RUBCN: variants seen among roughly 807,000 people sequenced by gnomAD.
The protein encoded by RUBCN is run domain Beclin-1-interacting and cysteine-rich domain-containing protein.
A neutral mutation model predicts 113.2 loss-of-function variants in RUBCN; 74 were observed. The ratio of observed to expected loss-of-function variants is 0.65; its 90% CI spans 0.54 to 0.79. The LOEUF (loss-of-function observed/expected upper bound fraction) is 0.79. RUBCN is among the 30% of genes least tolerant of loss of function. The probability of loss-of-function intolerance (pLI) is 0.00; values close to 1 mark genes in which losing one functional copy is unlikely to be tolerated. For synonymous variants in RUBCN, 480 were observed against 490.0 expected, an observed-to-expected ratio of 0.98 and a Z score of 0.27; for missense variants, 1,109 against 1,251.7, an observed-to-expected ratio of 0.89 and a Z score of 1.72.
intron 11 of RUBCN, among the ~76,000 whole-genome samples, chr3:197,684,527 C>G (rs1487160569): frequency 2.0e-5 from 3 of 152,100 alleles, no homozygotes; most frequent in Admixed American, 1.3e-4. Context: ...CTAAGGCACA[C>G]AGGGACACAA....
At chr3:197,729,131 G>A (rs1727104192) in intron 1 of RUBCN, among the ~76,000 whole-genome samples, 1 of 147,264 alleles carries the variant, frequency 6.8e-6, no homozygotes, top group Non-Finnish European at 1.5e-5. Flanking sequence ...GGGCAACAGA[G>A]CGAGACTCCG....
upstream of RUBCN, among the ~76,000 whole-genome samples, chr3:197,741,232 T>A (rs1223665350): frequency 6.6e-6 from 1 of 152,226 alleles, no homozygotes; most frequent in Admixed American, 6.5e-5. Context: ...AAATTTTTAA[T>A]CTTGTAATGA....
At chr3:197,676,806 C>T in intron 18 of RUBCN, 79 bp downstream of exon 18, 1 of 1,607,982 alleles carries the variant, frequency 6.2e-7, no homozygotes, top group Non-Finnish European at 8.5e-7. Context: ...AGCTAAGTGG[C>T]AAGAACCCCA....
intron 2 of RUBCN, among the ~76,000 whole-genome samples, chr3:197,707,122 TC>T (rs1376084114): frequency 1.5e-4 from 22 of 151,632 alleles, no homozygotes; most frequent in African/African-American, 5.4e-4. Flanking sequence ...GGCAGGCAGA[TC>T]ACGAGGTCAG....
chr3:197,742,481 A>G (rs1270337220), intron 1 of RUBCN, among the ~76,000 whole-genome samples: 1 of 152,052 alleles, frequency 6.6e-6, no homozygotes, highest in Non-Finnish European at 1.5e-5. Flanking sequence ...TGACAAAGTG[A>G]GACTGTCTCA....
intron 1 of RUBCN, among the ~76,000 whole-genome samples, chr3:197,724,066 C>T (rs1580354859): frequency 1.3e-5 from 2 of 152,152 alleles, no homozygotes; most frequent in East Asian, 3.8e-4. Context: ...CCCATCCCTA[C>T]ATAAATCATT....
At chr3:197,732,607 C>G (rs571150832) in intron 1 of RUBCN, among the ~76,000 whole-genome samples, 2 of 152,330 alleles carry the variant, frequency 1.3e-5, no homozygotes, top group East Asian at 3.9e-4. Flanking sequence ...GCCACCGTGC[C>G]CAGTGTAGTG....
intron 1 of RUBCN, among the ~76,000 whole-genome samples, chr3:197,729,935 G>C (rs756522941): frequency 1.8e-4 from 28 of 151,404 alleles, no homozygotes; most frequent in Non-Finnish European, 4.0e-4. Context: ...GGGTGAGCTG[G>C]GATGACAGGC....
chr3:197,682,381 G>A, intron 14 of RUBCN, 89 bp downstream of exon 14: 1 of 1,478,828 alleles, frequency 6.8e-7, no homozygotes, highest in Middle Eastern at 1.7e-4. Context: ...AGGACAGCTG[G>A]AGGCAGGGAC....
intron 2 of RUBCN, among the ~76,000 whole-genome samples, chr3:197,715,072 C>G (rs1159888992): frequency 6.6e-6 from 1 of 151,952 alleles, no homozygotes; most frequent in East Asian, 1.9e-4. Context: ...GGCGGATCAT[C>G]TGAGGTCAGG....
intron 1 of RUBCN, among the ~76,000 whole-genome samples, chr3:197,726,240 T>TTTTTTA (rs1177199223): frequency 2.0e-5 from 3 of 152,132 alleles, no homozygotes; most frequent in Non-Finnish European, 2.9e-5. Context: ...TTTTATTTTA[T>TTTTTTA]TTTTTATTTT....
chr3:197,746,448 G>A (rs1311160219), intron 1 of RUBCN, among the ~76,000 whole-genome samples: 1 of 152,146 alleles, frequency 6.6e-6, no homozygotes, highest in East Asian at 1.9e-4. Context: ...ACTACATGCT[G>A]CTTGACTCAT....
intron 2 of RUBCN, among the ~76,000 whole-genome samples, chr3:197,717,145 G>A (rs920026638): frequency 2.1e-4 from 31 of 145,212 alleles, no homozygotes; most frequent in African/African-American, 8.1e-4. Flanking sequence ...CAAACAAAGG[G>A]GGCAGAGAGC....
intron 2 of RUBCN, among the ~76,000 whole-genome samples, chr3:197,709,026 A>G (rs1282785262): frequency 6.6e-6 from 1 of 152,198 alleles, no homozygotes; most frequent in Non-Finnish European, 1.5e-5. Flanking sequence ...TAGTTTATAT[A>G]AGAAAGATGA....
chr3:197,734,395 C>T (rs373292355), intron 1 of RUBCN, among the ~76,000 whole-genome samples: 9 of 150,136 alleles, frequency 6.0e-5, no homozygotes, highest in African/African-American at 2.2e-4. Context: ...CATAGTGAGA[C>T]CCTGTCTAAA....
intron 4 of RUBCN, 112 bp downstream of exon 4, chr3:197,704,430 A>G: frequency 9.9e-7 from 1 of 1,012,692 alleles, no homozygotes; most frequent in South Asian, 1.3e-5. Context: ...GCGTAAGTCC[A>G]TCTCAAAGAA....
intron 1 of RUBCN, among the ~76,000 whole-genome samples, chr3:197,743,227 C>T (rs1728599863): frequency 6.6e-6 from 1 of 152,152 alleles, no homozygotes; most frequent in Non-Finnish European, 1.5e-5. Flanking sequence ...GTATCCCCAG[C>T]CTCTAGCACA....
chr3:197,712,282 AATGAGATCCCT>A (rs1201371451), intron 2 of RUBCN, among the ~76,000 whole-genome samples: 1 of 152,168 alleles, frequency 6.6e-6, no homozygotes, highest in African/African-American at 2.4e-5. Flanking sequence ...TGTCAAGAAA[AATGAGATCCCT>A]CTAAGAATAC....
At chr3:197,709,271 A>T (rs1311019536) in intron 2 of RUBCN, among the ~76,000 whole-genome samples, 1 of 152,214 alleles carries the variant, frequency 6.6e-6, no homozygotes, top group African/African-American at 2.4e-5. Context: ...GAGTAAATAA[A>T]AGAACAAATG....
Sources: gnomAD v4.1 joint callset for allele counts (sites outside exome capture counted in the v4.1 genomes callset) on GRCh38, gnomAD v4.1.1 for gene constraint, MANE v1.5 for transcripts, NCBI Gene and HGNC (gene_info 2026-07-23, HGNC 2026-07-21) for gene names.